Variants in TCF25 observed in about 807,000 individuals in gnomAD.
TCF25 encodes the protein TCF25 ribosome quality control complex subunit.
TCF25 carries 41 observed loss-of-function variants against 83.1 expected under a neutral mutation model. The ratio of observed to expected loss-of-function variants is 0.49; its 90% CI spans 0.38 to 0.64. TCF25 has a LOEUF of 0.64. Ranked by LOEUF, TCF25 falls within the 30% of genes least tolerant of loss-of-function variation. The pLI is 0.00. For synonymous variants in TCF25, 458 were observed against 365.0 expected (o/e 1.25, Z -2.90); for missense variants, 979 against 914.5 (o/e 1.07, Z -0.91).
chr16:89,896,380 T>TA (rs543132789), intron 9 of TCF25, among the ~76,000 whole-genome samples: 1 of 151,766 alleles, frequency 6.6e-6, no homozygotes, highest in African/African-American at 2.4e-5. Flanking sequence ...CCCCATCTCT[T>TA]AAAAAAATAA....
rs571246131 is a variant in TCF25 at position 89,887,685 on chromosome 16, T to C, written c.582T>C (p.Tyr194=). ...HLNPDTELKR[Y]FGARAILGEQ... ...ATCCAGACACAGAACTGAAAAGGTA[T>C]TTTGGTGCCCGGGCAATCCTGGGGG... Residue 194 remains tyrosine, a synonymous_variant, in exon 5 of 18, where the codon TAT becomes TAC. Coordinates refer to ENST00000263346, the MANE Select transcript of TCF25 (RefSeq NM_014972.3). 1 of 1,589,648 alleles carries C rather than the reference T, an allele frequency of 6.3e-7. No individual in the cohort carries two copies. The highest frequency in any genetic ancestry group is 1.2e-5 in the South Asian group (1 of 86,828).
intron 3 of TCF25, among the ~76,000 whole-genome samples, chr16:89,885,072 C>G (rs370932192): frequency 0.011 from 1,377 of 126,692 alleles, 1 homozygote; most frequent in African/African-American, 0.042. Context: ...CGCCCTCTCC[C>G]TCTGCCTGAC....
rs139572036 is a variant in TCF25, at chr16:89,898,674, C to T, written c.1115+25C>T. On this transcript the variant is annotated intron_variant, in intron 10 of 17. Transcript: ENST00000263346. ...GGTGAGTGTCTGCTCAGGGCCAAGC[C>T]CGTCCACGCTCCCTGTCCTGGCTGC... The T allele has an allele frequency of 7.1e-4, 1,139 of 1,612,294 alleles. 7 individuals are homozygous for T. The African/African-American group carries it at 0.013, about 19-fold the overall frequency.
intron 17 of TCF25, 110 bp downstream of exon 17, chr16:89,910,773 G>T: frequency 7.8e-7 from 1 of 1,282,808 alleles, no homozygotes; most frequent in African/African-American, 1.5e-5. Flanking sequence ...CCGGCACAGG[G>T]AGCAGGGAAG....
intron 7 of TCF25, among the ~76,000 whole-genome samples, chr16:89,894,238 C>A (rs1375222602): frequency 6.6e-6 from 1 of 151,692 alleles, no homozygotes; most frequent in African/African-American, 2.4e-5. Context: ...CGGACGGCCC[C>A]CACACGGCCC....
At chr16:89,883,690 T>C in intron 2 of TCF25, 178 bp downstream of exon 2, 1 of 712,364 alleles carries the variant, frequency 1.4e-6, no homozygotes. Flanking sequence ...ATGAAATGAG[T>C]GAAGGTCGCA....
intron 1 of TCF25, among the ~76,000 whole-genome samples, chr16:89,882,611 G>A (rs1268661945): frequency 6.6e-6 from 1 of 152,178 alleles, no homozygotes; most frequent in East Asian, 1.9e-4. Flanking sequence ...TTTTGAGATG[G>A]AGTCTTGCTC....
chr16:89,907,751 C>T (rs1234360880), intron 16 of TCF25, among the ~76,000 whole-genome samples: 3 of 116,114 alleles, frequency 2.6e-5, no homozygotes, highest in Non-Finnish European at 5.5e-5. Context: ...TCCCACCTTC[C>T]AGCTCCCGCC....
intron 1 of TCF25, among the ~76,000 whole-genome samples, chr16:89,875,608 C>T (rs1417292395): frequency 2.0e-5 from 3 of 148,972 alleles, no homozygotes; most frequent in East Asian, 2.0e-4. Context: ...CTGCAAGCTC[C>T]GCCTCCTGGG....
At chr16:89,883,296 A>G (rs934793422) in intron 1 of TCF25, 55 bp from the exon 2 acceptor site, 4 of 1,591,232 alleles carry the variant, frequency 2.5e-6, no homozygotes, top group South Asian at 2.3e-5. Context: ...ATATCTCAGC[A>G]TGAGCGTTCA....
chr16:89,898,689 G>A (rs751477029), intron 10 of TCF25, 40 bp downstream of exon 10: 54 of 1,612,128 alleles, frequency 3.3e-5, no homozygotes, highest in Non-Finnish European at 4.4e-5. Flanking sequence ...CACGCTCCCT[G>A]TCCTGGCTGC....
intron 9 of TCF25, among the ~76,000 whole-genome samples, chr16:89,896,548 C>CTTTT (rs1567720820): frequency 1.4e-5 from 2 of 140,710 alleles, no homozygotes; most frequent in African/African-American, 5.5e-5. Context: ...CTCAAAACAG[C>CTTTT]ATTTTTTTTT....
chr16:89,874,684 T>A (rs1343577982), intron 1 of TCF25: 2 of 152,284 alleles, frequency 1.3e-5, no homozygotes, highest in African/African-American at 4.8e-5. Context: ...GGCCTCCGTC[T>A]GTAACTCTGC....
intron 6 of TCF25, among the ~76,000 whole-genome samples, chr16:89,893,389 T>G (rs1372868480): frequency 6.6e-6 from 1 of 152,186 alleles, no homozygotes; most frequent in Non-Finnish European, 1.5e-5. Context: ...CTGGGGACAG[T>G]GCTCGGCGTG....
At position 89,875,820 on chromosome 16, in the gene TCF25, C is replaced by CTTTT. The variant is rs1164528945; in HGVS notation, c.192+1986_192+1989dup. Among the ~76,000 whole-genome samples the CTTTT allele has an allele frequency of 1.1e-3, 70 of 64,860 alleles. 15 individuals carry two copies. Among genetic ancestry groups the CTTTT allele is most frequent in the South Asian group, 4.4e-3 (8 of 1,800 alleles). The allele number at this position is 64,860 out of a possible 152,430, so 42.6% of individuals were successfully genotyped here. On this transcript the variant is annotated intron_variant, in intron 1 of 17. Coordinates refer to ENST00000263346, the MANE Select transcript of TCF25 (RefSeq NM_014972.3). ...TACAGGCGTGAGCCACTGCGCCTGG[C>CTTTT]TTTTTTTTTTTTTTTTTTTTTTTTT...
chr16:89,908,812 G>A (rs112370596), intron 16 of TCF25, among the ~76,000 whole-genome samples: 18 of 63,870 alleles, frequency 2.8e-4, no homozygotes, highest in African/African-American at 7.8e-4. Context: ...CTCCCACCTC[G>A]CAGCTCCCAG....
chr16:89,898,883 G>A lies in TCF25; in HGVS notation c.1221+11G>A. The A allele has an allele frequency of 1.9e-6, 3 of 1,612,416 alleles. No homozygotes were observed. The highest frequency in any genetic ancestry group is 2.5e-6 in the Non-Finnish European group (3 of 1,179,120). ...TTCCAGGAGTGGGAGGTGGGTGCGA[G>A]CCTGGTGAGGCCCCGTGGAGGGACG... On this transcript the variant is annotated intron_variant, in intron 11 of 17. Transcript: ENST00000263346.
Position 89,883,377 on chromosome 16 carries a change from C to G in TCF25, c.219C>G (p.Asp73Glu). Reference protein sequence around the residue: ...ELINIDDLEDDPVVNGERSGC... With the variant: ...ELINIDDLEDEPVVNGERSGC... ...TAAACATTGACGATCTTGAGGATGA[C>G]CCTGTGGTGAACGGGGAGAGGTCTG... The change falls in exon 2 of 18, where the codon GAC (aspartate) becomes GAG (glutamate). Residue 73 changes from aspartate to glutamate, a missense_variant. By Grantham distance (45) the Asp-to-Glu change is conservative. Coordinates refer to ENST00000263346, the MANE Select transcript of TCF25 (RefSeq NM_014972.3). The G allele has an allele frequency of 6.2e-7, 1 of 1,614,092 alleles. No individual in the cohort carries two copies.
chr16:89,887,776 C>A, intron 5 of TCF25, 59 bp downstream of exon 5: 2 of 1,457,660 alleles, frequency 1.4e-6, no homozygotes, highest in Admixed American at 2.5e-5. Flanking sequence ...AGACTCTTGG[C>A]CGGGGGTGGT....
Sources: gnomAD v4.1 joint callset for allele counts (sites outside exome capture counted in the v4.1 genomes callset) on GRCh38, gnomAD v4.1.1 for gene constraint, MANE v1.5 for transcripts, NCBI Gene and HGNC (gene_info 2026-07-23, HGNC 2026-07-21) for gene names.